The following CDH18 variants were observed in gnomAD, a reference collection of about 807,000 sequenced individuals.
The protein encoded by CDH18 is cadherin-18.
Under a neutral mutation model 67.9 loss-of-function variants are expected in CDH18, and 31 were observed. The observed-to-expected ratio is 0.46, with a 90% confidence interval of 0.34 to 0.62. The LOEUF (loss-of-function observed/expected upper bound fraction) is 0.62, where lower values mean the gene tolerates loss of function less well. Ranked by LOEUF, CDH18 falls within the 20% of genes least tolerant of loss-of-function variation. CDH18 has a pLI of 0.01. For synonymous variants in CDH18, 362 were observed against 347.2 expected (o/e 1.04, Z -0.48); for missense variants, 890 against 975.5 (o/e 0.91, Z 1.17).
chr5:20,450,889 C>G (rs73060616), intron 1 of CDH18, among the ~76,000 whole-genome samples: 1,574 of 152,152 alleles, frequency 0.01, 25 homozygotes, highest in African/African-American at 0.036. Context: ...AGGTAAATGC[C>G]GAGCAAAGTC....
At chr5:19,525,661 T>C (rs949753665) in intron 9 of CDH18, among the ~76,000 whole-genome samples, 2 of 152,230 alleles carry the variant, frequency 1.3e-5, no homozygotes, top group East Asian at 1.9e-4. Flanking sequence ...GAAAACTCAC[T>C]GTCACTTTAT....
At chr5:19,722,639 C>T (rs999049595) in intron 4 of CDH18, among the ~76,000 whole-genome samples, 2 of 151,512 alleles carry the variant, frequency 1.3e-5, no homozygotes, top group Admixed American at 6.6e-5. Flanking sequence ...GGATATACAG[C>T]TTCATTGCAG....
chr5:19,913,384 G>A (rs945034290), intron 2 of CDH18, among the ~76,000 whole-genome samples: 6 of 152,104 alleles, frequency 3.9e-5, no homozygotes, highest in South Asian at 2.1e-4. Flanking sequence ...ACAGGAAAGC[G>A]AAGAAGATAT....
intron 2 of CDH18, among the ~76,000 whole-genome samples, chr5:19,960,719 G>A (rs191280271): frequency 0.041 from 5,228 of 127,556 alleles, 829 homozygotes; most frequent in African/African-American, 0.16. Context: ...ATGTATACAC[G>A]TGTATATACG....
At chr5:20,175,020 C>A (rs1193854717) in intron 2 of CDH18, among the ~76,000 whole-genome samples, 2 of 151,882 alleles carry the variant, frequency 1.3e-5, no homozygotes. Flanking sequence ...TATTTTGTGA[C>A]CAATATGGTC....
At chr5:19,519,881 CG>C (rs1746613834) in intron 10 of CDH18, among the ~76,000 whole-genome samples, 2 of 152,098 alleles carry the variant, frequency 1.3e-5, no homozygotes, top group Non-Finnish European at 2.9e-5. Context: ...CCCTGAGCCT[CG>C]GGCGAGAAAA....
At chr5:20,255,823 T>C (rs1444007824) in intron 1 of CDH18, among the ~76,000 whole-genome samples, 10 of 152,046 alleles carry the variant, frequency 6.6e-5, no homozygotes, top group Non-Finnish European at 1.5e-4. Context: ...TTACAATTTA[T>C]TTAAACACTT....
At chr5:19,853,373 G>A (rs1314746940) in intron 2 of CDH18, among the ~76,000 whole-genome samples, 1 of 152,052 alleles carries the variant, frequency 6.6e-6, no homozygotes, top group Non-Finnish European at 1.5e-5. Context: ...ATAATTACTT[G>A]CTTAGAGGCC....
At chr5:19,677,365 T>C (rs1468319859) in intron 5 of CDH18, among the ~76,000 whole-genome samples, 3 of 152,058 alleles carry the variant, frequency 2.0e-5, no homozygotes, top group Non-Finnish European at 4.4e-5. Flanking sequence ...GCTAACGGAA[T>C]TCATTACCAC....
chr5:19,806,576 T>A (rs1030891312), intron 3 of CDH18, among the ~76,000 whole-genome samples: 3 of 152,212 alleles, frequency 2.0e-5, no homozygotes, highest in African/African-American at 7.2e-5. Context: ...TAGTTCAATA[T>A]TCCTTCTTCG....
chr5:20,171,391 T>A (rs1736696229), intron 2 of CDH18, among the ~76,000 whole-genome samples: 1 of 152,126 alleles, frequency 6.6e-6, no homozygotes, highest in African/African-American at 2.4e-5. Context: ...ATTTTTCAAC[T>A]TTTTAATAAC....
intron 2 of CDH18, among the ~76,000 whole-genome samples, chr5:19,965,572 A>C (rs1189380858): frequency 2.6e-5 from 4 of 152,220 alleles, no homozygotes; most frequent in Non-Finnish European, 5.9e-5. Context: ...ATATCTATTA[A>C]AGTTGAATCA....
chr5:19,940,934 A>G (rs1794747364), intron 2 of CDH18, among the ~76,000 whole-genome samples: 1 of 152,158 alleles, frequency 6.6e-6, no homozygotes, highest in African/African-American at 2.4e-5. Flanking sequence ...ATGCCTAATA[A>G]AAGTTCCAGT....
At chr5:20,560,176 C>G (rs1758120890) in intron 1 of CDH18, among the ~76,000 whole-genome samples, 1 of 152,058 alleles carries the variant, frequency 6.6e-6, no homozygotes, top group Admixed American at 6.6e-5. Context: ...TTCTGAGTTT[C>G]TTATTTGACA....
chr5:20,171,802 C>T (rs1736737865), intron 2 of CDH18, among the ~76,000 whole-genome samples: 2 of 151,660 alleles, frequency 1.3e-5, no homozygotes, highest in Admixed American at 6.6e-5. Context: ...ATTCCTATGT[C>T]CAGAATGTTA....
chr5:19,851,423 CA>C lies in CDH18; in HGVS notation c.-256-12182del, dbSNP rs199551683. Among the ~76,000 whole-genome samples the C allele has an allele frequency of 2.0e-3, 218 of 108,066 alleles. 2 individuals carry two copies. The highest frequency in any genetic ancestry group is 6.8e-3 in the African/African-American group (212 of 31,330). 70.9% of individuals were successfully genotyped at this position (108,066 alleles called of 152,430 possible). A position where few individuals can be genotyped will look rare whatever the true frequency, so the allele number is the denominator to read the frequency against. The stretch of plus-strand genomic sequence containing the variant: ...TAAAATTGAATATAAAAAGAAAAGC[CA>C]AAAAAAAAACAAACCCAAAAAACCC... On this transcript the variant is annotated intron_variant, in intron 2 of 12. Coordinates refer to ENST00000382275, the MANE Select transcript of CDH18 (RefSeq NM_004934.5).
At chr5:20,559,775 A>C (rs1370434055) in intron 1 of CDH18, among the ~76,000 whole-genome samples, 2 of 152,106 alleles carry the variant, frequency 1.3e-5, no homozygotes, top group African/African-American at 4.8e-5. Flanking sequence ...AAGGTTGAAA[A>C]GTTTTATGCA....
intron 11 of CDH18, among the ~76,000 whole-genome samples, chr5:19,484,288 A>G (rs1440458097): frequency 6.6e-6 from 1 of 152,194 alleles, no homozygotes; most frequent in African/African-American, 2.4e-5. Context: ...TACTAATTTA[A>G]AAGTAAATAA....
intron 6 of CDH18, among the ~76,000 whole-genome samples, chr5:19,607,409 T>C (rs1022114672): frequency 1.3e-5 from 2 of 151,502 alleles, no homozygotes; most frequent in East Asian, 1.9e-4. Flanking sequence ...AAAGTCATTC[T>C]ATTTTCAAGC....
Sources: allele counts gnomAD v4.1 joint callset (sites outside exome capture counted in the v4.1 genomes callset), GRCh38; gene constraint gnomAD v4.1.1; transcripts MANE v1.5; gene names NCBI Gene and HGNC (gene_info 2026-07-23, HGNC 2026-07-21).